The following SLC4A4 variants were observed in gnomAD, a reference collection of about 807,000 sequenced individuals.
SLC4A4 encodes solute carrier family 4 member 4, also known as electrogenic sodium bicarbonate cotransporter 1.
A neutral mutation model predicts 111.5 loss-of-function variants in SLC4A4; 27 were observed. The observed-to-expected ratio is 0.24, with a 90% CI of 0.18 to 0.33. The LOEUF is 0.33. SLC4A4 is among the 10% of genes least tolerant of loss of function. SLC4A4 has a pLI of 1.00. For synonymous variants in SLC4A4, 443 were observed against 463.4 expected (o/e 0.96, Z 0.57); for missense variants, 909 against 1,315.5 (o/e 0.69, Z 4.78).
intron 2 of SLC4A4, among the ~76,000 whole-genome samples, chr4:71,151,515 T>A (rs1481462743): frequency 3.3e-5 from 5 of 152,068 alleles, no homozygotes; most frequent in Non-Finnish European, 5.9e-5. Flanking sequence ...TACCTCTACT[T>A]ATTTACTGTT....
At chr4:71,253,728 G>C (rs1186427872) in intron 2 of SLC4A4, among the ~76,000 whole-genome samples, 1 of 152,204 alleles carries the variant, frequency 6.6e-6, no homozygotes, top group East Asian at 1.9e-4. Context: ...CTTGCAAATG[G>C]TTACACATGA....
In SLC4A4 at chr4:71,205,145, T is replaced by C. The variant is rs539188272; in HGVS notation, c.-2+17744T>C. Among the ~76,000 whole-genome samples the C allele has an allele frequency of 2.3e-3, 347 of 152,266 alleles. 1 individual carries two copies. The highest frequency in any genetic ancestry group is 3.0e-3 in the Non-Finnish European group (205 of 67,998). ...TTGCCAGCGTCAGAATATCTACTGA[T>C]TAGCTCTCTGGAGAGATGCAGGATG... On this transcript the variant is annotated intron_variant, in intron 1 of 25. Coordinates refer to ENST00000264485, the MANE Select transcript of SLC4A4 (RefSeq NM_001098484.3).
intron 23 of SLC4A4, among the ~76,000 whole-genome samples, chr4:71,562,247 T>C (rs1328014640): frequency 6.6e-6 from 1 of 151,732 alleles, no homozygotes; most frequent in Admixed American, 6.6e-5. Context: ...TATACATTGG[T>C]TCCTAGGCAG....
intron 3 of SLC4A4, among the ~76,000 whole-genome samples, chr4:71,263,269 A>G (rs1456191890): frequency 2.6e-5 from 4 of 152,174 alleles, no homozygotes; most frequent in Non-Finnish European, 5.9e-5. Context: ...GTTCATTTTT[A>G]TGAACTCATA....
intron 2 of SLC4A4, among the ~76,000 whole-genome samples, chr4:71,162,539 C>T (rs1744641176): frequency 6.6e-6 from 1 of 152,180 alleles, no homozygotes; most frequent in African/African-American, 2.4e-5. Context: ...TTTAACTAAT[C>T]TCTTATTGCT....
chr4:71,333,656 A>G (rs1728196350), intron 3 of SLC4A4, among the ~76,000 whole-genome samples: 1 of 152,224 alleles, frequency 6.6e-6, no homozygotes, highest in African/African-American at 2.4e-5. Context: ...AATGCCATGC[A>G]GGAACCAGGG....
At chr4:71,126,594 A>G (rs566368437) in intron 2 of SLC4A4, among the ~76,000 whole-genome samples, 1 of 152,340 alleles carries the variant, frequency 6.6e-6, no homozygotes, top group Admixed American at 6.5e-5. Context: ...ATAAATTATG[A>G]ACAAAGGAAT....
At chr4:71,253,254 T>C (rs1721203095) in intron 2 of SLC4A4, among the ~76,000 whole-genome samples, 1 of 152,174 alleles carries the variant, frequency 6.6e-6, no homozygotes, top group Non-Finnish European at 1.5e-5. Context: ...AGATTGACCA[T>C]GATGACACTT....
At chr4:71,089,132 A>G (rs535620008) in intron 1 of SLC4A4, among the ~76,000 whole-genome samples, 232 of 149,182 alleles carry the variant, frequency 1.6e-3, no homozygotes, top group Admixed American at 2.5e-3. Flanking sequence ...TAAACTTCTC[A>G]CTTCATTTCA....
intron 13 of SLC4A4, 117 bp downstream of exon 13, chr4:71,466,694 A>C: frequency 9.3e-7 from 1 of 1,079,132 alleles, no homozygotes; most frequent in Non-Finnish European, 1.4e-6. Flanking sequence ...GAATACTGGA[A>C]TGTTCAGATG....
At chr4:71,066,014 T>A (rs910264221) in intron 1 of SLC4A4, among the ~76,000 whole-genome samples, 1 of 152,114 alleles carries the variant, frequency 6.6e-6, no homozygotes, top group Non-Finnish European at 1.5e-5. Flanking sequence ...CTAACACAGC[T>A]CAATAAGTAT....
chr4:71,536,457 C>CATATATATGT (rs1238920856), intron 18 of SLC4A4, among the ~76,000 whole-genome samples: 3 of 31,406 alleles, frequency 9.6e-5, no homozygotes, highest in African/African-American at 2.9e-4. Flanking sequence ...TACATATATA[C>CATATATATGT]ATATATACAT....
chr4:71,163,585 A>AT (rs1744663161), intron 2 of SLC4A4, among the ~76,000 whole-genome samples: 1 of 152,248 alleles, frequency 6.6e-6, no homozygotes, highest in Non-Finnish European at 1.5e-5. Flanking sequence ...AAAACAGTAG[A>AT]TATATAGACT....
At chr4:71,325,604 G>A (rs1442815664) in intron 3 of SLC4A4, among the ~76,000 whole-genome samples, 2 of 151,922 alleles carry the variant, frequency 1.3e-5, no homozygotes, top group African/African-American at 4.8e-5. Context: ...TAGCCTCTCA[G>A]CATAATGATT....
intron 2 of SLC4A4, among the ~76,000 whole-genome samples, chr4:71,177,323 T>C (rs1302210134): frequency 6.6e-6 from 1 of 152,094 alleles, no homozygotes; most frequent in Admixed American, 6.5e-5. Context: ...AATTCATGCA[T>C]AACAATATTA....
At chr4:71,091,884 CT>C (rs746347652) in intron 1 of SLC4A4, among the ~76,000 whole-genome samples, 2 of 152,098 alleles carry the variant, frequency 1.3e-5, no homozygotes. Flanking sequence ...TGCGTTTGTT[CT>C]TTTTTACTGC....
rs576606476 is a variant in SLC4A4 at position 71,447,501 on chromosome 4, A to G, written c.966-145A>G. The stretch of plus-strand genomic sequence containing the variant: ...AATAGTGCGAAAGAGTATATTCTGT[A>G]CTACCAATAATATATTACCTTTGTT... On this transcript the variant is annotated intron_variant, in intron 8 of 25. Transcript: ENST00000264485. 12 of 690,962 alleles carry G rather than the reference A, an allele frequency of 1.7e-5. No individual in the cohort carries two copies. The South Asian group carries it at 1.8e-4, about 11-fold the overall frequency. The allele number at this position is 690,962 out of a possible 1,614,324, so 42.8% of individuals were successfully genotyped here. A position where few individuals can be genotyped will look rare whatever the true frequency, so the allele number is the denominator to read the frequency against.
At chr4:71,262,148 C>A (rs1177156169) in intron 3 of SLC4A4, among the ~76,000 whole-genome samples, 1 of 151,868 alleles carries the variant, frequency 6.6e-6, no homozygotes, top group African/African-American at 2.4e-5. Context: ...GATTTGAATG[C>A]ACTGAAAAAA....
intron 1 of SLC4A4, among the ~76,000 whole-genome samples, chr4:71,223,070 T>C (rs940920670): frequency 6.6e-6 from 1 of 152,220 alleles, no homozygotes; most frequent in Admixed American, 6.5e-5. Flanking sequence ...AGGGTCTGTA[T>C]ACTCTTTAAT....
Sources: gnomAD v4.1 joint callset for allele counts (sites outside exome capture counted in the v4.1 genomes callset) on GRCh38, gnomAD v4.1.1 for gene constraint, MANE v1.5 for transcripts, NCBI Gene and HGNC (gene_info 2026-07-23, HGNC 2026-07-21) for gene names.